NALF1: variants seen among roughly 807,000 people sequenced by gnomAD.
The protein encoded by NALF1 is family with sequence similarity 155 member A.
NALF1 carries 3 observed loss-of-function variants against 48.4 expected under a neutral mutation model. The ratio of observed to expected loss-of-function variants is 0.06; its 90% CI spans 0.03 to 0.16. NALF1 has a LOEUF of 0.16. Among genes scored for constraint, NALF1 ranks in the 10% least tolerant of loss-of-function variants. The pLI, the probability that NALF1 is intolerant of heterozygous loss-of-function variation, is 1.00. For missense variants in NALF1, 526 were observed against 571.5 expected (o/e 0.92, Z 0.81); for synonymous variants, 262 against 245.7 (o/e 1.07, Z -0.62).
At chr13:107,677,808 T>C (rs1289161273) in intron 1 of NALF1, among the ~76,000 whole-genome samples, 1 of 140,408 alleles carries the variant, frequency 7.1e-6, no homozygotes, top group Non-Finnish European at 1.5e-5. Flanking sequence ...AAAATGCAGA[T>C]TGTGAGATAA....
chr13:107,269,656 A>T (rs1045850683), intron 1 of NALF1, among the ~76,000 whole-genome samples: 2 of 152,148 alleles, frequency 1.3e-5, no homozygotes, highest in Non-Finnish European at 1.5e-5. Flanking sequence ...AGGTAATGAC[A>T]GCAAGTCACC....
chr13:107,637,278 G>A (rs12583711), intron 1 of NALF1, among the ~76,000 whole-genome samples: 37,066 of 151,618 alleles, frequency 0.24, 5,122 homozygotes, highest in East Asian at 0.48. Context: ...ATTTATTAAG[G>A]AAAACTTTAT....
chr13:107,258,091 G>A (rs1880856481), intron 1 of NALF1, among the ~76,000 whole-genome samples: 1 of 152,122 alleles, frequency 6.6e-6, no homozygotes, highest in African/African-American at 2.4e-5. Context: ...GCTTCACATA[G>A]AATATACTTT....
At chr13:107,745,781 T>C (rs1384824730) in intron 1 of NALF1, among the ~76,000 whole-genome samples, 2 of 152,154 alleles carry the variant, frequency 1.3e-5, no homozygotes, top group African/African-American at 4.8e-5. Context: ...TCTTGGGACC[T>C]CATCATGCTG....
intron 1 of NALF1, among the ~76,000 whole-genome samples, chr13:107,276,132 A>G (rs1319108091): frequency 6.6e-6 from 1 of 152,270 alleles, no homozygotes; most frequent in East Asian, 1.9e-4. Context: ...GCCATATTCT[A>G]TTCATTAGAA....
At chr13:107,837,388 T>C (rs1383776735) in intron 1 of NALF1, among the ~76,000 whole-genome samples, 1 of 152,232 alleles carries the variant, frequency 6.6e-6, no homozygotes, top group Non-Finnish European at 1.5e-5. Context: ...AGATTCTGAT[T>C]CATGGGATGG....
At chr13:107,465,230 C>T in intron 1 of NALF1, among the ~76,000 whole-genome samples, 1 of 151,370 alleles carries the variant, frequency 6.6e-6, no homozygotes, top group Non-Finnish European at 1.5e-5. Flanking sequence ...GCTACATGGT[C>T]CCTTGGTTTA....
intron 1 of NALF1, among the ~76,000 whole-genome samples, chr13:107,865,157 T>C (rs1441512401): frequency 6.6e-6 from 1 of 152,198 alleles, no homozygotes; most frequent in African/African-American, 2.4e-5. Context: ...GAACTACCCC[T>C]GTAAAAACAG....
Position 107,866,967 on chromosome 13 carries a change from G to A in NALF1, c.-371C>T, listed in dbSNP as rs899609528. 1.3e-5 allele frequency among the ~76,000 whole-genome samples: 2 copies of A among 151,976 alleles called. No individual in the cohort carries two copies. Among genetic ancestry groups the A allele is most frequent in the African/African-American group, 2.4e-5 (1 of 41,418 alleles). On this transcript the variant is annotated 5_prime_UTR_variant, in exon 1 of 3. Coordinates refer to ENST00000375915, the MANE Select transcript of NALF1 (RefSeq NM_001080396.3). This position sits in a 1 kb window ranked among gnomAD's most constrained non-coding sequence, Gnocchi z 4.4. Reference sequence around the variant, plus strand: ...GGCCGGCGGCGAGGCTGGGTGCAGGGGGCGATGGTGGAGGTGACAGGGTGG... The same window carrying A: ...GGCCGGCGGCGAGGCTGGGTGCAGGAGGCGATGGTGGAGGTGACAGGGTGG...
At chr13:107,252,331 C>T (rs1314846230) in intron 1 of NALF1, among the ~76,000 whole-genome samples, 1 of 151,748 alleles carries the variant, frequency 6.6e-6, no homozygotes, top group Admixed American at 6.6e-5. Flanking sequence ...TGGAGAGTTG[C>T]TTCTCCTGGG....
At position 107,643,542 on chromosome 13, in the gene NALF1, T is replaced by TGGGG. The variant is rs34793504; in HGVS notation, c.915+222136_915+222139dup. 2.8e-4 allele frequency among the ~76,000 whole-genome samples: 36 copies of TGGGG among 128,158 alleles called. No individual in the cohort carries two copies. In the East Asian group the frequency reaches 5.0e-3, roughly 18 times the overall value. 84.1% of individuals were successfully genotyped at this position (128,158 alleles called of 152,430 possible). A position where few individuals can be genotyped will look rare whatever the true frequency, so the allele number is the denominator to read the frequency against. On this transcript the variant is annotated intron_variant, in intron 1 of 2. Coordinates refer to ENST00000375915, the MANE Select transcript of NALF1 (RefSeq NM_001080396.3). The stretch of plus-strand genomic sequence containing the variant: ...TAATTTCCATATACAGTGTATTTGG[T>TGGGG]GGGGGGGGGGTGAAACGAAATGACA...
At chr13:107,565,940 AT>A (rs1395254670) in intron 1 of NALF1, among the ~76,000 whole-genome samples, 3 of 152,196 alleles carry the variant, frequency 2.0e-5, no homozygotes, top group Non-Finnish European at 4.4e-5. Flanking sequence ...CAGAAACGAA[AT>A]GTTCCCAGTC....
chr13:107,781,869 C>T (rs1368726489), intron 1 of NALF1, among the ~76,000 whole-genome samples: 1 of 152,144 alleles, frequency 6.6e-6, no homozygotes, highest in Non-Finnish European at 1.5e-5. Context: ...ACCCACACTG[C>T]CTAGCTTAGT....
chr13:107,339,370 A>G (rs951175986), intron 1 of NALF1, among the ~76,000 whole-genome samples: 8 of 151,928 alleles, frequency 5.3e-5, no homozygotes, highest in African/African-American at 1.7e-4. Context: ...CCCTTTGGCA[A>G]TGCTTCTCAT....
chr13:107,844,195 C>CA (rs1880112639), intron 1 of NALF1, among the ~76,000 whole-genome samples: 1 of 151,712 alleles, frequency 6.6e-6, no homozygotes. Flanking sequence ...GAAATAAAGA[C>CA]AGTCTGTTGA....
chr13:107,821,727 G>C (rs1346906052), intron 1 of NALF1, among the ~76,000 whole-genome samples: 2 of 152,034 alleles, frequency 1.3e-5, no homozygotes, highest in African/African-American at 4.8e-5. Context: ...TACATAATAG[G>C]GTGACTAGTG....
intron 1 of NALF1, among the ~76,000 whole-genome samples, chr13:107,409,809 T>C (rs1185878099): frequency 6.6e-6 from 1 of 152,170 alleles, no homozygotes; most frequent in Non-Finnish European, 1.5e-5. Flanking sequence ...TCGATTAGTC[T>C]GAAATACATA....
At chr13:107,247,042 G>A (rs1880600051) in intron 1 of NALF1, among the ~76,000 whole-genome samples, 1 of 152,038 alleles carries the variant, frequency 6.6e-6, no homozygotes. Context: ...TTTACTCAGG[G>A]TTGCAACTGA....
At chr13:107,861,708 C>T (rs1464370322) in intron 1 of NALF1, among the ~76,000 whole-genome samples, 2 of 152,186 alleles carry the variant, frequency 1.3e-5, no homozygotes, top group Non-Finnish European at 2.9e-5. Flanking sequence ...CGCTTGAACC[C>T]GGGAGGTGGA....
Sources: allele counts gnomAD v4.1 joint callset (sites outside exome capture counted in the v4.1 genomes callset), GRCh38; gene constraint gnomAD v4.1.1; non-coding constraint Gnocchi (gnomAD v3.1); transcripts MANE v1.5; gene names NCBI Gene and HGNC (gene_info 2026-07-23, HGNC 2026-07-21).